Variants in INTS7 observed in about 807,000 individuals in gnomAD.
The protein encoded by INTS7 is integrator complex subunit 7.
Under a neutral mutation model 109.2 loss-of-function variants are expected in INTS7, and 46 were observed. That is an observed-to-expected ratio of 0.42 (90% CI 0.33 to 0.54). The LOEUF is 0.54. Among genes scored for constraint, INTS7 ranks in the 20% least tolerant of loss-of-function variants. The probability of loss-of-function intolerance (pLI) is 0.07; values close to 1 mark genes in which losing one functional copy is unlikely to be tolerated. For synonymous variants in INTS7, 412 were observed against 402.9 expected (o/e 1.02, Z -0.27); for missense variants, 929 against 1,132.4 (o/e 0.82, Z 2.58).
chr1:212,022,312 A>G (rs1415216115), intron 1 of INTS7, among the ~76,000 whole-genome samples: 1 of 152,260 alleles, frequency 6.6e-6, no homozygotes, highest in Non-Finnish European at 1.5e-5. Context: ...GTGCTAAGTT[A>G]AATTCCATCA....
intron 1 of INTS7, among the ~76,000 whole-genome samples, chr1:212,021,757 C>T (rs377467180): frequency 8.6e-5 from 13 of 151,028 alleles, no homozygotes; most frequent in East Asian, 3.9e-4. Flanking sequence ...CTGAGGTGGA[C>T]GAATCACTTG....
intron 1 of INTS7, among the ~76,000 whole-genome samples, chr1:212,027,258 T>C (rs1666965454): frequency 6.6e-6 from 1 of 152,222 alleles, no homozygotes; most frequent in South Asian, 2.1e-4. Context: ...TTGCTTGCTC[T>C]AGGCCAATTT....
chr1:211,980,785 G>GT (rs1402329225), intron 10 of INTS7, among the ~76,000 whole-genome samples: 1 of 152,044 alleles, frequency 6.6e-6, no homozygotes, highest in East Asian at 1.9e-4. Flanking sequence ...GATGATTTCT[G>GT]TAACTAAGTG....
intron 7 of INTS7, among the ~76,000 whole-genome samples, chr1:211,989,630 T>C (rs947260037): frequency 1.3e-5 from 2 of 152,000 alleles, no homozygotes; most frequent in African/African-American, 4.8e-5. Flanking sequence ...GAGACCAGCC[T>C]GGCCAGCATG....
intron 17 of INTS7, among the ~76,000 whole-genome samples, chr1:211,951,161 T>C (rs1663064823): frequency 6.6e-6 from 1 of 152,144 alleles, no homozygotes; most frequent in African/African-American, 2.4e-5. Context: ...GAAGAGAAAC[T>C]CTCCAAGGGG....
intron 7 of INTS7, among the ~76,000 whole-genome samples, chr1:212,003,130 A>G (rs1189840133): frequency 6.6e-6 from 1 of 152,126 alleles, no homozygotes; most frequent in African/African-American, 2.4e-5. Context: ...TGAGAAAAAG[A>G]GACAGCGGCA....
rs1401025545 is a variant in INTS7, at chr1:211,981,163, A to G, written c.1160T>C (p.Val387Ala). The G allele has an allele frequency of 1.8e-5, 29 of 1,613,324 alleles. No individual in the cohort carries two copies. The highest frequency in any genetic ancestry group is 2.4e-5 in the Non-Finnish European group (28 of 1,179,366). Reference sequence around the variant, plus strand: ...TACCAGTAGGGATTCCAGGCCAAAGACAGCATCTTGTTCCAGTGCCAAAAG... The same window carrying G: ...TACCAGTAGGGATTCCAGGCCAAAGGCAGCATCTTGTTCCAGTGCCAAAAG... ...KDLLALEQDA[V>A]FGLESLLVLC... The change falls in exon 10 of 20, where the codon GTC (valine) becomes GCC (alanine). Residue 387 changes from valine (V) to alanine (A), a missense_variant. Val to Ala is a moderately conservative substitution (Grantham distance 64). Transcript: ENST00000366994.
chr1:211,964,050 A>G (rs1290345562), intron 16 of INTS7, among the ~76,000 whole-genome samples: 1 of 152,170 alleles, frequency 6.6e-6, no homozygotes, highest in African/African-American at 2.4e-5. Context: ...AGGAAGTCCA[A>G]CTATCCCTGT....
intron 8 of INTS7, among the ~76,000 whole-genome samples, chr1:211,984,180 T>C (rs934044211): frequency 6.6e-6 from 1 of 152,172 alleles, no homozygotes; most frequent in Non-Finnish European, 1.5e-5. Flanking sequence ...AGGCAAAACA[T>C]TAGAAAGATG....
intron 18 of INTS7, among the ~76,000 whole-genome samples, chr1:211,945,400 G>A (rs1176041360): frequency 6.6e-6 from 1 of 152,170 alleles, no homozygotes; most frequent in Non-Finnish European, 1.5e-5. Context: ...ACACAACGAA[G>A]TCACTGTGCT....
intron 11 of INTS7, 128 bp downstream of exon 11, chr1:211,978,144 A>T: frequency 9.4e-7 from 1 of 1,069,478 alleles, no homozygotes. Flanking sequence ...CTTTGGTCTT[A>T]GGTAATGAAT....
Position 211,946,703 on chromosome 1 carries a change from G to A in INTS7, c.2319C>T (p.His773=), listed in dbSNP as rs41275374. 0.02 allele frequency: 31,366 copies of A among 1,598,052 alleles called. 420 individuals carry two copies. The highest frequency in any genetic ancestry group is 0.044 in the African/African-American group (3,302 of 74,240). ...TGATGGCATTGCAGAGGCATGCTGT[G>A]TGCTGGGGGAAAAAAGAAACTAAAT... ...NRKYTPVSYM[H]TACLCNAIIA... is the part of the protein sequence containing the mutation. The change falls in exon 18 of 20, where the codon CAC becomes CAT. Residue 773 remains histidine (H), a splice_region_variant and synonymous_variant. Transcript: ENST00000366994. This position sits in a 1 kb window ranked among gnomAD's most constrained non-coding sequence, Gnocchi z 4.3.
chr1:212,033,499 A>C (rs1252592297), intron 1 of INTS7, among the ~76,000 whole-genome samples: 1 of 152,160 alleles, frequency 6.6e-6, no homozygotes, highest in Non-Finnish European at 1.5e-5. Flanking sequence ...TTTCCTATAG[A>C]TATAAAATAT....
chr1:211,984,335 A>G (rs1490364519), intron 8 of INTS7, among the ~76,000 whole-genome samples: 1 of 151,750 alleles, frequency 6.6e-6, no homozygotes, highest in Non-Finnish European at 1.5e-5. Context: ...TCCTACCAAC[A>G]CTCACCATAG....
chr1:211,960,496 G>A (rs1663571313), intron 16 of INTS7, among the ~76,000 whole-genome samples: 1 of 152,114 alleles, frequency 6.6e-6, no homozygotes, highest in Admixed American at 6.5e-5. Flanking sequence ...GAGTATGGAT[G>A]GGAATGAAGA....
intron 4 of INTS7, among the ~76,000 whole-genome samples, chr1:212,014,845 C>T (rs868636808): frequency 6.6e-6 from 1 of 152,368 alleles, no homozygotes; most frequent in Middle Eastern, 3.4e-3. Context: ...TCACTCAGTG[C>T]TCAATCTTGC....
intron 4 of INTS7, among the ~76,000 whole-genome samples, chr1:212,014,001 A>G (rs186785897): frequency 4.4e-4 from 67 of 152,294 alleles, no homozygotes; most frequent in Non-Finnish European, 2.4e-4. Flanking sequence ...TCAATGAGGG[A>G]AAAAAATGCT....
chr1:212,021,279 A>G, intron 1 of INTS7, 67 bp from the exon 2 acceptor site: 4 of 1,368,818 alleles, frequency 2.9e-6, no homozygotes, highest in Non-Finnish European at 4.0e-6. Flanking sequence ...AAGCAAAAAT[A>G]GCAAATATAA....
chr1:212,018,779 A>G lies in INTS7; in HGVS notation c.371+1343T>C, dbSNP rs77389205. On this transcript the variant is annotated intron_variant, in intron 3 of 19. Transcript: ENST00000366994. ...GACTCACAACTCACTTTACTCTTTA[A>G]AAGTTATACAGTAGTTCACCAATAG... Among the ~76,000 whole-genome samples, 1,211 of 152,286 alleles carry G rather than the reference A, an allele frequency of 8.0e-3. 17 individuals carry two copies. The highest frequency in any genetic ancestry group is 0.027 in the African/African-American group (1,138 of 41,552).
Sources: allele counts gnomAD v4.1 joint callset (sites outside exome capture counted in the v4.1 genomes callset), GRCh38; gene constraint gnomAD v4.1.1; non-coding constraint Gnocchi (gnomAD v3.1); transcripts MANE v1.5; gene names NCBI Gene and HGNC (gene_info 2026-07-23, HGNC 2026-07-21).